TAF4B: variants seen among roughly 807,000 people sequenced by gnomAD.
The protein encoded by TAF4B is transcription initiation factor TFIID subunit 4B.
TAF4B carries 38 observed loss-of-function variants against 86.4 expected under a neutral mutation model. That is an observed-to-expected ratio of 0.44 (90% CI 0.34 to 0.58). The LOEUF (loss-of-function observed/expected upper bound fraction) is 0.58. Among genes scored for constraint, TAF4B ranks in the 20% least tolerant of loss-of-function variants. The probability of loss-of-function intolerance (pLI) is 0.02; values close to 1 mark genes in which losing one functional copy is unlikely to be tolerated. For missense variants in TAF4B, 988 were observed against 1,027.6 expected (o/e 0.96, Z 0.53); for synonymous variants, 388 against 391.2 (o/e 0.99, Z 0.10).
rs537338282 is a variant in TAF4B, at chr18:26,357,568, A to G, written c.2317-122A>G. On this transcript the variant is annotated intron_variant, in intron 13 of 14. Coordinates refer to ENST00000269142, the MANE Select transcript of TAF4B (RefSeq NM_005640.3). ...GTGCCCTTGGCTGTTATGGGAATCT[A>G]ATGTTTATTTTATATTGTAACTTTA... 11 of 581,988 alleles carry G rather than the reference A, an allele frequency of 1.9e-5. No individual in the cohort carries two copies. In the East Asian group the frequency reaches 1.9e-4, roughly 10 times the overall value. The allele number at this position is 581,988 out of a possible 1,614,324, so 36.1% of individuals were successfully genotyped here.
At chr18:26,227,541 G>A (rs1366810622) in intron 1 of TAF4B, among the ~76,000 whole-genome samples, 1 of 152,212 alleles carries the variant, frequency 6.6e-6, no homozygotes, top group Non-Finnish European at 1.5e-5. Context: ...TTAGGTGGAG[G>A]AGATAATATA....
intron 9 of TAF4B, among the ~76,000 whole-genome samples, chr18:26,300,702 T>C (rs143825335): frequency 2.0e-5 from 3 of 152,212 alleles, no homozygotes; most frequent in African/African-American, 7.2e-5. Flanking sequence ...ATACGTATTA[T>C]TCAGTTTGGG....
At chr18:26,241,883 A>G (rs2055845000) in intron 1 of TAF4B, among the ~76,000 whole-genome samples, 1 of 152,166 alleles carries the variant, frequency 6.6e-6, no homozygotes. Context: ...GTTTCCATGT[A>G]GTTGAGCGGT....
At chr18:26,241,564 G>GT (rs1385563723) in intron 1 of TAF4B, among the ~76,000 whole-genome samples, 1 of 152,000 alleles carries the variant, frequency 6.6e-6, no homozygotes, top group East Asian at 1.9e-4. Flanking sequence ...TTTTTGAAGG[G>GT]TTTTTTGTGT....
Position 26,391,667 on chromosome 18 carries a change from A to G in TAF4B, c.*1655A>G, listed in dbSNP as rs1419389696. ...ATTATTCCAAATACTTCATTAAAAT[A>G]ATTATTTTATTATAAGAATAACTTT... is the stretch of plus-strand genomic sequence containing the variant. On this transcript the variant is annotated 3_prime_UTR_variant, in exon 15 of 15. Coordinates refer to ENST00000269142, the MANE Select transcript of TAF4B (RefSeq NM_005640.3). 6.6e-6 allele frequency: 1 copy of G among 152,210 alleles called. No homozygotes were observed. Among genetic ancestry groups the G allele is most frequent in the Non-Finnish European group, 1.5e-5 (1 of 68,044 alleles). 9.4% of individuals were successfully genotyped at this position (152,210 alleles called of 1,614,324 possible). A position where few individuals can be genotyped will look rare whatever the true frequency, so the allele number is the denominator to read the frequency against.
At chr18:26,352,496 A>G (rs769520962) in intron 13 of TAF4B, among the ~76,000 whole-genome samples, 9 of 152,136 alleles carry the variant, frequency 5.9e-5, no homozygotes, top group Admixed American at 3.9e-4. Context: ...TCTTTGATCA[A>G]CAACATCGAG....
chr18:26,249,170 CAAAAA>C (rs796850643), intron 1 of TAF4B, among the ~76,000 whole-genome samples: 5 of 112,908 alleles, frequency 4.4e-5, no homozygotes, highest in Admixed American at 9.0e-5. Context: ...GACTCCATAT[CAAAAA>C]AAAAAAAAAA....
intron 14 of TAF4B, among the ~76,000 whole-genome samples, chr18:26,365,896 C>T (rs1463060970): frequency 6.6e-6 from 1 of 152,124 alleles, no homozygotes; most frequent in East Asian, 1.9e-4. Context: ...CTCATGCCAT[C>T]CTTCCGCCTC....
intron 3 of TAF4B, among the ~76,000 whole-genome samples, chr18:26,272,006 A>G (rs1207204152): frequency 6.6e-6 from 1 of 151,578 alleles, no homozygotes; most frequent in Non-Finnish European, 1.5e-5. Flanking sequence ...AAACTCAGCA[A>G]AGCCAGAGGG....
chr18:26,326,064 A>C (rs888293662), intron 11 of TAF4B, among the ~76,000 whole-genome samples: 2 of 152,202 alleles, frequency 1.3e-5, no homozygotes, highest in Non-Finnish European at 2.9e-5. Flanking sequence ...GTTTAAAGAC[A>C]TTCGGTTTTT....
At chr18:26,262,082 C>G (rs147269093) in intron 1 of TAF4B, among the ~76,000 whole-genome samples, 1 of 152,202 alleles carries the variant, frequency 6.6e-6, no homozygotes, top group Non-Finnish European at 1.5e-5. Flanking sequence ...TCCAAGTGTT[C>G]CCAGTGTGCT....
intron 12 of TAF4B, 147 bp downstream of exon 12, chr18:26,327,287 C>A: frequency 1.0e-6 from 1 of 975,330 alleles, no homozygotes. Flanking sequence ...GGATGTCTCA[C>A]AGCCAGGATG....
chr18:26,335,066 G>A, intron 12 of TAF4B, 109 bp from the exon 13 acceptor site: 1 of 796,864 alleles, frequency 1.3e-6, no homozygotes, highest in Non-Finnish European at 2.0e-6. Flanking sequence ...TTCCCCTGGA[G>A]CTAAGATATT....
chr18:26,306,024 C>T (rs954825428), intron 9 of TAF4B, among the ~76,000 whole-genome samples: 3 of 152,150 alleles, frequency 2.0e-5, no homozygotes, highest in Admixed American at 1.3e-4. Context: ...ATTGCATAAG[C>T]AAATTATCTC....
chr18:26,375,646 C>T (rs2057437596), intron 14 of TAF4B, among the ~76,000 whole-genome samples: 1 of 152,090 alleles, frequency 6.6e-6, no homozygotes, highest in South Asian at 2.1e-4. Flanking sequence ...TTTGCATTTT[C>T]CTGAAGACTA....
chr18:26,350,812 A>G (rs2057238965), intron 13 of TAF4B, among the ~76,000 whole-genome samples: 1 of 152,204 alleles, frequency 6.6e-6, no homozygotes, highest in Non-Finnish European at 1.5e-5. Flanking sequence ...GAAAATTAAA[A>G]CCACAACTAG....
At chr18:26,275,245 T>A (rs1195677395) in intron 5 of TAF4B, among the ~76,000 whole-genome samples, 192 bp downstream of exon 5, 1 of 152,230 alleles carries the variant, frequency 6.6e-6, no homozygotes, top group Non-Finnish European at 1.5e-5. Flanking sequence ...AACCTCTGCC[T>A]CCTGGGTTCA....
intron 7 of TAF4B, 130 bp downstream of exon 7, chr18:26,286,629 T>G (rs1409692750): frequency 5.9e-6 from 6 of 1,021,692 alleles, no homozygotes; most frequent in Non-Finnish European, 8.2e-6. Context: ...AATTTTTTTT[T>G]TTTTTTACCT....
At chr18:26,358,900 T>C (rs2057310116) in intron 14 of TAF4B, among the ~76,000 whole-genome samples, 1 of 152,172 alleles carries the variant, frequency 6.6e-6, no homozygotes, top group Non-Finnish European at 1.5e-5. Flanking sequence ...ATCCTGAACA[T>C]TGGTAGTTTC....
Sources: gnomAD v4.1 joint callset for allele counts (sites outside exome capture counted in the v4.1 genomes callset) on GRCh38, gnomAD v4.1.1 for gene constraint, MANE v1.5 for transcripts, NCBI Gene and HGNC (gene_info 2026-07-23, HGNC 2026-07-21) for gene names.